Variants in ETFA observed in about 807,000 individuals in gnomAD.
ETFA encodes the protein electron transfer flavoprotein subunit alpha, also known as electron transfer flavoprotein subunit alpha, mitochondrial.
ETFA carries 22 observed loss-of-function variants against 46.2 expected under a neutral mutation model. The ratio of observed to expected loss-of-function variants is 0.48; its 90% confidence interval spans 0.34 to 0.68. ETFA has a LOEUF of 0.68. Ranked by LOEUF, ETFA falls within the 30% of genes least tolerant of loss-of-function variation. The probability of loss-of-function intolerance (pLI) is 0.01; values close to 1 mark genes in which losing one functional copy is unlikely to be tolerated. For missense variants in ETFA, 345 were observed against 401.1 expected (o/e 0.86, Z 1.19); for synonymous variants, 131 against 139.9 (o/e 0.94, Z 0.45).
intron 11 of ETFA, among the ~76,000 whole-genome samples, chr15:76,218,327 G>T (rs1017036133): frequency 1.3e-5 from 2 of 152,022 alleles, no homozygotes; most frequent in Non-Finnish European, 2.9e-5. Context: ...GAGTGCAATG[G>T]CGCAGTCTCA....
chr15:76,261,067 A>C (rs767586551), intron 9 of ETFA: 1 of 1,553,394 alleles, frequency 6.4e-7, no homozygotes, highest in Non-Finnish European at 8.9e-7. Context: ...GCTATGCGAG[A>C]AGAGGCCAGG....
intron 11 of ETFA, among the ~76,000 whole-genome samples, chr15:76,221,839 C>G (rs952345939): frequency 6.6e-6 from 1 of 152,092 alleles, no homozygotes; most frequent in Admixed American, 6.6e-5. Context: ...ACAAACTTGT[C>G]CTTTATAACT....
At chr15:76,274,613 T>C (rs1208772087) in intron 8 of ETFA, 119 bp from the exon 9 acceptor site, 8 of 842,476 alleles carry the variant, frequency 9.5e-6, no homozygotes, top group Admixed American at 6.1e-5. Flanking sequence ...GTATATTTTA[T>C]ACAGAAAGCT....
chr15:76,282,051 GCAC>G (rs1368779583), intron 8 of ETFA, among the ~76,000 whole-genome samples: 5 of 151,818 alleles, frequency 3.3e-5, no homozygotes, highest in African/African-American at 7.3e-5. Flanking sequence ...TTACAGGTGT[GCAC>G]CACCACATCA....
Position 76,232,753 on chromosome 15 carries a change from G to A in ETFA, c.817-1355C>T, listed in dbSNP as rs193021791. 3.6e-3 allele frequency among the ~76,000 whole-genome samples: 551 copies of A among 152,198 alleles called. 2 individuals carry two copies. The highest frequency in any genetic ancestry group is 5.2e-3 in the Non-Finnish European group (352 of 68,002). On this transcript the variant is annotated intron_variant, in intron 9 of 11. Coordinates refer to ENST00000557943, the MANE Select transcript of ETFA (RefSeq NM_000126.4). ...TCTCAGGGGCTCACTTTTTCCAATT[G>A]TAAACAGAAGAGGTACACCTCCAGC...
At chr15:76,273,601 A>G (rs1300738480) in intron 9 of ETFA, among the ~76,000 whole-genome samples, 1 of 152,080 alleles carries the variant, frequency 6.6e-6, no homozygotes. Context: ...CTTCAAAAAT[A>G]AAAAATAAGC....
chr15:76,247,611 C>G (rs896700881), intron 9 of ETFA, among the ~76,000 whole-genome samples: 1 of 152,154 alleles, frequency 6.6e-6, no homozygotes, highest in South Asian at 2.1e-4. Context: ...TTTTTTTTTA[C>G]GTGGTCTTGG....
At chr15:76,232,228 C>G (rs1254917950) in intron 9 of ETFA, among the ~76,000 whole-genome samples, 2 of 152,196 alleles carry the variant, frequency 1.3e-5, no homozygotes, top group Non-Finnish European at 2.9e-5. Context: ...TTTACAGTGC[C>G]TTTGTTTGAA....
chr15:76,296,555 A>G (rs567753874), intron 1 of ETFA, among the ~76,000 whole-genome samples: 1 of 152,324 alleles, frequency 6.6e-6, no homozygotes, highest in East Asian at 1.9e-4. Flanking sequence ...AATGCATTCA[A>G]TACCAAAATA....
rs548264016 is a variant in ETFA at position 76,270,473 on chromosome 15, A to G, written c.816+3939T>C. On this transcript the variant is annotated intron_variant, in intron 9 of 11. Coordinates refer to ENST00000557943, the MANE Select transcript of ETFA (RefSeq NM_000126.4). ...TATATGCAGGTAAATATATATATGC[A>G]TATATTTGCCTAGACATACACATGC... is the stretch of plus-strand genomic sequence containing the variant. Among the ~76,000 whole-genome samples, 19 of 152,360 alleles carry G rather than the reference A, an allele frequency of 1.2e-4. 1 individual carries two copies. The highest frequency in any genetic ancestry group is 3.8e-4 in the African/African-American group (16 of 41,576).
chr15:76,223,365 G>A (rs143255453), intron 11 of ETFA, among the ~76,000 whole-genome samples: 7 of 151,934 alleles, frequency 4.6e-5, no homozygotes, highest in Admixed American at 1.3e-4. Context: ...TTACAGGCAT[G>A]CATCACCATG....
intron 4 of ETFA, among the ~76,000 whole-genome samples, 179 bp downstream of exon 4, chr15:76,292,252 T>A (rs543312409): frequency 1.3e-5 from 2 of 152,348 alleles, no homozygotes; most frequent in African/African-American, 4.8e-5. Context: ...AACCTGGAAA[T>A]GGTAGTTTTA....
intron 9 of ETFA, among the ~76,000 whole-genome samples, chr15:76,267,505 C>T (rs1032345017): frequency 1.9e-4 from 29 of 152,228 alleles, no homozygotes; most frequent in Non-Finnish European, 2.4e-4. Flanking sequence ...ATCCTAGATA[C>T]TGCCTTCTGT....
At chr15:76,262,520 T>C (rs1192162319) in intron 9 of ETFA, among the ~76,000 whole-genome samples, 1 of 134,572 alleles carries the variant, frequency 7.4e-6, no homozygotes, top group Admixed American at 8.4e-5. Context: ...TCTCGCTCTG[T>C]CACCCAGGCT....
chr15:76,307,880 TA>T (rs1018034690), intron 1 of ETFA, among the ~76,000 whole-genome samples: 5 of 152,190 alleles, frequency 3.3e-5, no homozygotes, highest in African/African-American at 9.7e-5. Context: ...TTTATTTTTT[TA>T]AATATGGTTT....
rs2039065967 is a variant in ETFA at position 76,231,505 on chromosome 15, A to AAAAC, written c.817-108_817-107insGTTT. On this transcript the variant is annotated intron_variant, in intron 9 of 11. Transcript: ENST00000557943. ...TCTTAGGCAAAAGATATGTTAAATA[A>AAAAC]AATAGAGGCAAAATGTATTGCTTAA... is the stretch of plus-strand genomic sequence containing the variant. 5.7e-5 allele frequency: 38 copies of AAAAC among 662,674 alleles called. 1 individual carries two copies. In the South Asian group the frequency reaches 7.8e-4, roughly 14 times the overall value. 41.0% of individuals were successfully genotyped at this position (662,674 alleles called of 1,614,324 possible). A position where few individuals can be genotyped will look rare whatever the true frequency, so the allele number is the denominator to read the frequency against.
intron 9 of ETFA, among the ~76,000 whole-genome samples, chr15:76,249,940 T>G (rs928341627): frequency 6.6e-5 from 10 of 152,212 alleles, no homozygotes; most frequent in Non-Finnish European, 1.3e-4. Flanking sequence ...GAAAACAATT[T>G]GTCAAAATCT....
chr15:76,305,854 C>T (rs1203411659), intron 1 of ETFA, among the ~76,000 whole-genome samples: 1 of 140,388 alleles, frequency 7.1e-6, no homozygotes, highest in African/African-American at 2.6e-5. Flanking sequence ...TTTTCAACCT[C>T]AATAGTTGTT....
At chr15:76,268,959 TAGC>T (rs1266545006) in intron 9 of ETFA, among the ~76,000 whole-genome samples, 2 of 152,196 alleles carry the variant, frequency 1.3e-5, no homozygotes, top group African/African-American at 2.4e-5. Context: ...AAAACTAAAA[TAGC>T]AGGTTTTTGA....
Sources: gnomAD v4.1 joint callset for allele counts (sites outside exome capture counted in the v4.1 genomes callset) on GRCh38, gnomAD v4.1.1 for gene constraint, MANE v1.5 for transcripts, NCBI Gene and HGNC (gene_info 2026-07-23, HGNC 2026-07-21) for gene names.